Variants in FAM186B observed in about 807,000 individuals in gnomAD.
FAM186B encodes the protein protein FAM186B.
In FAM186B, 68 loss-of-function variants were observed where a neutral mutation model predicts 83.4. The observed-to-expected ratio is 0.81, with a 90% CI of 0.67 to 1.00. The LOEUF is 1.00. Among genes scored for constraint, FAM186B ranks in the 50% least tolerant of loss-of-function variants. The pLI is 0.00. For missense variants in FAM186B, 983 were observed against 1,099.2 expected, an observed-to-expected ratio of 0.89 and a Z score of 1.49; for synonymous variants, 389 against 422.0, an observed-to-expected ratio of 0.92 and a Z score of 0.96.
Position 49,588,531 on chromosome 12 carries a change from G to A in FAM186B, c.2457C>T (p.His819=), listed in dbSNP as rs1296408145. The A allele has an allele frequency of 1.9e-6, 3 of 1,613,244 alleles. No individual in the cohort carries two copies. Among genetic ancestry groups the A allele is most frequent in the Non-Finnish European group, 1.7e-6 (2 of 1,179,642 alleles). The change falls in exon 6 of 7, where the codon CAC becomes CAT. Residue 819 remains histidine (H), a synonymous_variant. Coordinates refer to ENST00000257894, the MANE Select transcript of FAM186B (RefSeq NM_032130.3). ...TGTAGGTGGGGCCACTGGGGCGGATGTGCCGGGGTGAGGCTGCAGGCAACT... is the reference window on the plus strand; with the variant it reads ...TGTAGGTGGGGCCACTGGGGCGGATATGCCGGGGTGAGGCTGCAGGCAACT... The part of the protein sequence containing the change: ...KCKLPAASPR[H]IRPSGPTYKQ...
intron 6 of FAM186B, 59 bp downstream of exon 6, chr12:49,588,393 ACC>A (rs757397124): frequency 1.0e-4 from 160 of 1,530,176 alleles, no homozygotes; most frequent in Non-Finnish European, 1.4e-4. Context: ...CAGGCTGGTC[ACC>A]CCTGCTCCCT....
Position 49,603,350 on chromosome 12 carries a change from CAT to C in FAM186B, c.338_339del (p.Tyr113Ter), listed in dbSNP as rs765742709. The C allele has an allele frequency of 5.0e-6, 8 of 1,614,172 alleles. No homozygotes were observed. In the East Asian group the frequency reaches 1.8e-4, roughly 36 times the overall value. ...TCTTCACTCTTCCTGGGCCCAATCT[CAT>C]AGGTCAGAGTGTCACCTGGAGAAGG... Reference protein sequence around the residue: ...WLGDWGDTLTYEIGPRKSEEE... With the variant: ...WLGDWGDTLTXEIGPRKSEEE... On this transcript the variant is annotated frameshift_variant, in exon 3 of 7. Coordinates refer to ENST00000257894, the MANE Select transcript of FAM186B (RefSeq NM_032130.3). LOFTEE classifies it high-confidence loss of function.
At chr12:49,595,469 T>C in intron 5 of FAM186B, 1 of 478,220 alleles carries the variant, frequency 2.1e-6, no homozygotes. Context: ...GCTCATGAGA[T>C]CAGTTTTGGA....
the FAM186B span, among the ~76,000 whole-genome samples, chr12:49,610,827 T>C: frequency 6.6e-6 from 1 of 151,814 alleles, no homozygotes. Context: ...CTTAAAGAAT[T>C]TCAAAATACA....
the FAM186B span, among the ~76,000 whole-genome samples, chr12:49,615,645 C>T: frequency 1.3e-5 from 2 of 152,034 alleles, no homozygotes; most frequent in Non-Finnish European, 2.9e-5. Flanking sequence ...AAAAATTAGC[C>T]GGGTGTGGTG....
intron 2 of FAM186B, 90 bp downstream of exon 2, chr12:49,604,223 T>C: frequency 1.0e-6 from 1 of 997,210 alleles, no homozygotes; most frequent in Non-Finnish European, 1.5e-6. Flanking sequence ...AATGCTTCAC[T>C]GGAGAAGGGG....
chr12:49,622,368 C>A, the FAM186B span, among the ~76,000 whole-genome samples: 1 of 152,186 alleles, frequency 6.6e-6, no homozygotes, highest in East Asian at 1.9e-4. Flanking sequence ...ATTAGCCGGG[C>A]GTTGTGGCAC....
At chr12:49,595,970 C>T (rs539623968) in intron 5 of FAM186B, among the ~76,000 whole-genome samples, 88 of 152,020 alleles carry the variant, frequency 5.8e-4, no homozygotes, top group Non-Finnish European at 8.5e-4. Context: ...GGCGACAGAG[C>T]GAGACTCCGT....
intron 5 of FAM186B, among the ~76,000 whole-genome samples, chr12:49,597,920 TGTG>T (rs1939765911): frequency 6.6e-6 from 1 of 151,816 alleles, no homozygotes; most frequent in Admixed American, 6.6e-5. Flanking sequence ...ATTATCCAGG[TGTG>T]GTGGTGGGTA....
chr12:49,588,281 G>A (rs1424733364), intron 6 of FAM186B, among the ~76,000 whole-genome samples, 173 bp downstream of exon 6: 1 of 152,226 alleles, frequency 6.6e-6, no homozygotes, highest in Non-Finnish European at 1.5e-5. Context: ...CCACCTGTGG[G>A]TCAGTGGCCA....
chr12:49,584,900 T>C (rs1281060448), downstream of FAM186B, among the ~76,000 whole-genome samples: 4 of 152,178 alleles, frequency 2.6e-5, no homozygotes, highest in Non-Finnish European at 5.9e-5. Flanking sequence ...TAGCCCCATC[T>C]AGTCTCTTTC....
At chr12:49,609,861 G>A (rs557859769), upstream of FAM186B, among the ~76,000 whole-genome samples, 4 of 152,330 alleles carry the variant, frequency 2.6e-5, no homozygotes, top group Admixed American at 6.5e-5. Context: ...TCCTGGGACT[G>A]AGCAGGGAGC....
rs781631633 is a variant in FAM186B at position 49,604,505 on chromosome 12, T to C, written c.130A>G (p.Asn44Asp). 9 of 1,614,204 alleles carry C rather than the reference T, an allele frequency of 5.6e-6. No homozygotes were observed. Among genetic ancestry groups the C allele is most frequent in the African/African-American group, 1.3e-5 (1 of 75,040 alleles). The change falls in exon 2 of 7, where the codon AAT becomes GAT. Residue 44 changes from asparagine to aspartate, a missense_variant. Asn to Asp is a conservative substitution (Grantham distance 23). Coordinates refer to ENST00000257894, the MANE Select transcript of FAM186B (RefSeq NM_032130.3). ...ISTQLSDILD[N>D]VNCVINRFQE... Reference sequence around the variant, plus strand: ...AAGCGGTTGATGACACAATTGACATTGTCCAAAATGTCTGAGAGCTGGGTA... The same window carrying C: ...AAGCGGTTGATGACACAATTGACATCGTCCAAAATGTCTGAGAGCTGGGTA...
At chr12:49,594,847 C>T (rs1939675754) in intron 5 of FAM186B, among the ~76,000 whole-genome samples, 1 of 151,554 alleles carries the variant, frequency 6.6e-6, no homozygotes, top group Non-Finnish European at 1.5e-5. Flanking sequence ...TGCACTCCAG[C>T]CTGGGCAACA....
downstream of FAM186B, chr12:49,584,448 T>G: frequency 1.4e-6 from 1 of 700,058 alleles, no homozygotes; most frequent in Non-Finnish European, 2.6e-6. Context: ...TTTCCGTCCC[T>G]CAGAAGGTTG....
chr12:49,622,293 A>C, the FAM186B span, among the ~76,000 whole-genome samples: 1 of 149,996 alleles, frequency 6.7e-6, no homozygotes, highest in African/African-American at 2.5e-5. Context: ...CTCCCCCAAA[A>C]GTTTGAAAAC....
At chr12:49,619,641 G>T in the FAM186B span, 1 of 528,786 alleles carries the variant, frequency 1.9e-6, no homozygotes, top group South Asian at 2.1e-5. Flanking sequence ...GGTTTTGTTG[G>T]AGGAGCTTAC....
chr12:49,597,463 T>A (rs1229072586), intron 5 of FAM186B, among the ~76,000 whole-genome samples: 9 of 43,962 alleles, frequency 2.0e-4, no homozygotes, highest in South Asian at 7.0e-4. Context: ...AGAATTGGGG[T>A]GGGGGTGGGA....
chr12:49,603,055 C>T (rs1939929205), intron 3 of FAM186B, 130 bp downstream of exon 3: 2 of 968,776 alleles, frequency 2.1e-6, no homozygotes, highest in African/African-American at 1.6e-5. Context: ...CACCACTGCC[C>T]ATCCATCTCA....
Sources: gnomAD v4.1 joint callset for allele counts (sites outside exome capture counted in the v4.1 genomes callset) on GRCh38, gnomAD v4.1.1 for gene constraint, MANE v1.5 for transcripts, NCBI Gene and HGNC (gene_info 2026-07-23, HGNC 2026-07-21) for gene names.